The following KCNMA1 variants were observed in gnomAD, a reference collection of about 807,000 sequenced individuals.
KCNMA1 encodes the protein potassium calcium-activated channel subfamily M alpha 1.
A neutral mutation model predicts 140.0 loss-of-function variants in KCNMA1; 29 were observed. The ratio of observed to expected loss-of-function variants is 0.21; its 90% confidence interval spans 0.15 to 0.28. The LOEUF is 0.28. Among genes scored for constraint, KCNMA1 ranks in the 10% least tolerant of loss-of-function variants. The pLI, the probability that KCNMA1 is intolerant of heterozygous loss-of-function variation, is 1.00. For synonymous variants in KCNMA1, 612 were observed against 611.9 expected, an observed-to-expected ratio of 1.00 and a Z score of 0.00; for missense variants, 880 against 1,602.2, an observed-to-expected ratio of 0.55 and a Z score of 7.70.
intron 1 of KCNMA1, among the ~76,000 whole-genome samples, chr10:77,546,106 G>C (rs2061410680): frequency 6.6e-6 from 1 of 152,220 alleles, no homozygotes; most frequent in Admixed American, 6.5e-5. Flanking sequence ...AACCTCCACA[G>C]GGAGTCAGTC....
intron 3 of KCNMA1, 42 bp from the exon 4 acceptor site, chr10:77,184,958 G>T: frequency 8.6e-7 from 1 of 1,159,674 alleles, no homozygotes; most frequent in Non-Finnish European, 1.3e-6. Flanking sequence ...TAAATGACAG[G>T]TAGTATCATC....
chr10:77,473,459 G>T (rs1326128229), intron 1 of KCNMA1, among the ~76,000 whole-genome samples: 1 of 152,244 alleles, frequency 6.6e-6, no homozygotes, highest in East Asian at 1.9e-4. Flanking sequence ...CCAGTGGTCA[G>T]ATGTATTCTG....
chr10:77,072,622 G>A (rs970158790), intron 14 of KCNMA1, among the ~76,000 whole-genome samples: 1 of 152,084 alleles, frequency 6.6e-6, no homozygotes, highest in Admixed American at 6.5e-5. Flanking sequence ...CAGTCCTGCT[G>A]GCCTCCTTGA....
rs115454917 is a variant in KCNMA1, at chr10:76,941,986, G to A, written c.2902+2787C>T. On this transcript the variant is annotated intron_variant, in intron 23 of 27. Transcript: ENST00000286628. ...TTTGTTTGTTGGTTTATTTTATTTT[G>A]TTTTAGACAGAGTCTTGCTCTGTCA... is the stretch of plus-strand genomic sequence containing the variant. 7.9e-3 allele frequency among the ~76,000 whole-genome samples: 1,201 copies of A among 152,040 alleles called. 16 individuals carry two copies. The highest frequency in any genetic ancestry group is 0.028 in the African/African-American group (1,159 of 41,500).
chr10:77,082,010 T>C (rs796979687), intron 12 of KCNMA1, among the ~76,000 whole-genome samples: 1 of 36,862 alleles, frequency 2.7e-5, no homozygotes, highest in African/African-American at 1.0e-4. Context: ...TTCTTTTCTT[T>C]TTTTTTTTTT....
Position 76,887,031 on chromosome 10 carries a change from C to T in KCNMA1, c.*235G>A. 2.9e-6 allele frequency: 4 copies of T among 1,391,242 alleles called. No homozygotes were observed. In the South Asian group the frequency reaches 5.6e-5, roughly 19 times the overall value. The allele number at this position is 1,391,242 out of a possible 1,614,324, so 86.2% of individuals were successfully genotyped here. ...TGGAGCATGCCTTTGGGTTATTTTT[C>T]CCCCAGAATCATAAATAACTTTTGG... is the stretch of plus-strand genomic sequence containing the variant. On this transcript the variant is annotated 3_prime_UTR_variant, in exon 28 of 28. Coordinates refer to ENST00000286628, the MANE Select transcript of KCNMA1 (RefSeq NM_001161352.2).
intron 20 of KCNMA1, among the ~76,000 whole-genome samples, chr10:76,956,613 C>A (rs1283981482): frequency 2.6e-5 from 4 of 152,068 alleles, no homozygotes; most frequent in Non-Finnish European, 4.4e-5. Context: ...CTATTCTGAG[C>A]ATGGAATGGA....
chr10:77,334,309 T>A (rs1482431783), intron 2 of KCNMA1, among the ~76,000 whole-genome samples: 1 of 152,214 alleles, frequency 6.6e-6, no homozygotes, highest in African/African-American at 2.4e-5. Context: ...ACTCTATCTC[T>A]AAACAGAAAT....
intron 14 of KCNMA1, among the ~76,000 whole-genome samples, chr10:77,061,393 T>C (rs979945334): frequency 6.6e-6 from 1 of 152,044 alleles, no homozygotes; most frequent in Non-Finnish European, 1.5e-5. Flanking sequence ...AGATGACAAA[T>C]AACCACTGGG....
intron 16 of KCNMA1, among the ~76,000 whole-genome samples, chr10:77,025,885 T>C (rs796673317): frequency 1.4e-4 from 22 of 151,826 alleles, no homozygotes; most frequent in African/African-American, 5.3e-4. Flanking sequence ...CAAGAACCAA[T>C]GTGCTTCCAC....
At chr10:76,994,043 C>T (rs546683598) in intron 19 of KCNMA1, among the ~76,000 whole-genome samples, 82 of 152,284 alleles carry the variant, frequency 5.4e-4, no homozygotes, top group Admixed American at 2.2e-3. Context: ...GCAACTCAAC[C>T]GACTCCACAC....
intron 2 of KCNMA1, among the ~76,000 whole-genome samples, chr10:77,253,130 T>C (rs2060010661): frequency 6.6e-6 from 1 of 152,230 alleles, no homozygotes; most frequent in African/African-American, 2.4e-5. Context: ...TGATCTGTGC[T>C]GCTATTTCTG....
At chr10:77,405,543 T>C (rs1206752147) in intron 1 of KCNMA1, among the ~76,000 whole-genome samples, 1 of 152,212 alleles carries the variant, frequency 6.6e-6, no homozygotes, top group Non-Finnish European at 1.5e-5. Context: ...ACAAATAACT[T>C]TTTAGTATAA....
chr10:77,545,958 C>T (rs1023652679), intron 1 of KCNMA1, among the ~76,000 whole-genome samples: 2 of 152,148 alleles, frequency 1.3e-5, no homozygotes, highest in African/African-American at 2.4e-5. Context: ...GCCCCCCAGC[C>T]CCCTGGGGCA....
intron 12 of KCNMA1, among the ~76,000 whole-genome samples, chr10:77,083,501 TAA>T (rs35527205): frequency 3.3e-4 from 30 of 91,370 alleles, no homozygotes; most frequent in Admixed American, 5.0e-4. Context: ...AGATGTTCTG[TAA>T]AAAAAAAAAA....
chr10:77,343,478 T>C (rs1048426921), intron 2 of KCNMA1, among the ~76,000 whole-genome samples: 1 of 152,082 alleles, frequency 6.6e-6, no homozygotes, highest in South Asian at 2.1e-4. Flanking sequence ...AGCCCAGCCC[T>C]GATAAAGGGG....
chr10:77,183,786 C>T lies in KCNMA1; in HGVS notation c.697-254G>A, dbSNP rs557847492. 2.6e-5 allele frequency among the ~76,000 whole-genome samples: 4 copies of T among 152,224 alleles called. No individual in the cohort carries two copies. The East Asian group carries it at 7.8e-4, about 30-fold the overall frequency. ...ACAGGCATGAGTCACTGCACTCGGCCTATTTCTATTTAATTTTTAAGGTCT... is the reference window on the plus strand; with the variant it reads ...ACAGGCATGAGTCACTGCACTCGGCTTATTTCTATTTAATTTTTAAGGTCT... On this transcript the variant is annotated intron_variant, in intron 4 of 27. Coordinates refer to ENST00000286628, the MANE Select transcript of KCNMA1 (RefSeq NM_001161352.2).
At chr10:77,001,733 G>T (rs974006404) in intron 18 of KCNMA1, among the ~76,000 whole-genome samples, 153 bp from the exon 19 acceptor site, 40 of 152,266 alleles carry the variant, frequency 2.6e-4, no homozygotes, top group Admixed American at 2.2e-3. Flanking sequence ...CAGAGTGATT[G>T]TTGGTAACAG....
intron 9 of KCNMA1, among the ~76,000 whole-genome samples, chr10:77,097,477 T>G (rs2096962948): frequency 6.6e-6 from 1 of 152,188 alleles, no homozygotes; most frequent in Admixed American, 6.5e-5. Context: ...TGACAAAGTA[T>G]GCATCTTGGA....
Sources: allele counts gnomAD v4.1 joint callset (sites outside exome capture counted in the v4.1 genomes callset), GRCh38; gene constraint gnomAD v4.1.1; transcripts MANE v1.5; gene names NCBI Gene and HGNC (gene_info 2026-07-23, HGNC 2026-07-21).